NRG4: variants seen among roughly 807,000 people sequenced by gnomAD.
NRG4 encodes the protein neuregulin 4.
NRG4 carries 10 observed loss-of-function variants against 15.0 expected under a neutral mutation model. That is an observed-to-expected ratio of 0.67 (90% CI 0.41 to 1.13). The LOEUF is 1.13. NRG4 is among the 50% of genes most tolerant of loss of function. The pLI, the probability that NRG4 is intolerant of heterozygous loss-of-function variation, is 0.00. For synonymous variants in NRG4, 41 were observed against 50.1 expected (o/e 0.82, Z 0.77); for missense variants, 139 against 140.2 (o/e 0.99, Z 0.04).
chr15:75,963,269 TA>T (rs1189652478), intron 3 of NRG4, among the ~76,000 whole-genome samples: 1 of 152,134 alleles, frequency 6.6e-6, no homozygotes, highest in African/African-American at 2.4e-5. Context: ...TAGATTCTCC[TA>T]AACTACCATA....
intron 3 of NRG4, among the ~76,000 whole-genome samples, chr15:75,984,494 G>A (rs1398302806): frequency 1.3e-5 from 2 of 152,104 alleles, no homozygotes; most frequent in Non-Finnish European, 2.9e-5. Flanking sequence ...GCAGGGACAT[G>A]GATGAAGCTG....
At chr15:76,035,694 C>A (rs1029305683) in intron 5 of NRG4, among the ~76,000 whole-genome samples, 1 of 152,176 alleles carries the variant, frequency 6.6e-6, no homozygotes, top group Non-Finnish European at 1.5e-5. Context: ...TTTAGCAACT[C>A]TGCTTTTCAT....
intron 3 of NRG4, among the ~76,000 whole-genome samples, chr15:75,967,697 A>G (rs1451823028): frequency 6.6e-6 from 1 of 151,964 alleles, no homozygotes; most frequent in Non-Finnish European, 1.5e-5. Flanking sequence ...CCTGACCTCA[A>G]GTGATCTGCC....
intron 3 of NRG4, among the ~76,000 whole-genome samples, chr15:75,974,358 TA>T (rs1163959851): frequency 6.6e-6 from 1 of 152,228 alleles, no homozygotes; most frequent in East Asian, 1.9e-4. Context: ...TTCGTGTCTC[TA>T]TCTCTTTCTG....
intron 4 of NRG4, among the ~76,000 whole-genome samples, chr15:75,959,828 G>A (rs950008808): frequency 6.6e-6 from 1 of 152,128 alleles, no homozygotes; most frequent in Non-Finnish European, 1.5e-5. Context: ...GCTGGCTAGT[G>A]AGTTATGTCA....
At chr15:75,955,822 T>C in intron 5 of NRG4, 110 bp downstream of exon 5, 1 of 550,752 alleles carries the variant, frequency 1.8e-6, no homozygotes, top group Non-Finnish European at 3.1e-6. Flanking sequence ...CATAGAAAAG[T>C]TTAGGCTCAA....
chr15:75,965,276 T>C (rs779859235), intron 3 of NRG4, among the ~76,000 whole-genome samples: 1 of 152,124 alleles, frequency 6.6e-6, no homozygotes, highest in Non-Finnish European at 1.5e-5. Context: ...CCATAAATGT[T>C]TTAACTGGAC....
chr15:76,005,920 C>A, intron 3 of NRG4: 1 of 250,564 alleles, frequency 4.0e-6, no homozygotes, highest in Non-Finnish European at 8.2e-6. Flanking sequence ...GAAATGGCCA[C>A]AAAGGTAGTT....
intron 5 of NRG4, among the ~76,000 whole-genome samples, chr15:76,019,146 C>A (rs1177498771): frequency 6.6e-6 from 1 of 152,094 alleles, no homozygotes; most frequent in African/African-American, 2.4e-5. Flanking sequence ...GGAAAAACAC[C>A]TACTCAAGCC....
intron 5 of NRG4, among the ~76,000 whole-genome samples, chr15:76,024,625 C>G (rs1186734771): frequency 4.6e-5 from 7 of 152,176 alleles, no homozygotes. Flanking sequence ...ACTCCAAGGC[C>G]CCAACCCCAG....
At position 76,029,717 on chromosome 15, in the gene NRG4, C is replaced by T. The variant is rs145226882; in HGVS notation, c.-57+6227G>A. On this transcript the variant is annotated intron_variant, in intron 5 of 8. Coordinates refer to the NRG4 transcript ENST00000563910. Reference sequence around the variant, plus strand: ...TAAAATACCTAGGAATAAATTTAACCAAAGAAGTAAAGGATCCCTACAATG... The same window carrying T: ...TAAAATACCTAGGAATAAATTTAACTAAAGAAGTAAAGGATCCCTACAATG... Among the ~76,000 whole-genome samples the T allele has an allele frequency of 1.0e-3, 156 of 152,076 alleles. 1 individual carries two copies. The highest frequency in any genetic ancestry group is 3.6e-3 in the African/African-American group (151 of 41,490).
chr15:76,052,433 A>T lies in NRG4; in HGVS notation c.-215-256T>A, dbSNP rs1319984598. On this transcript the variant is annotated intron_variant, in intron 3 of 8. Coordinates refer to the NRG4 transcript ENST00000563910. ...ATAAAAGGCTAGGAGTTGGGTTAAG[A>T]GGGAAATAGAATTTTATTAAAAGAT... 6.6e-5 allele frequency among the ~76,000 whole-genome samples: 10 copies of T among 151,174 alleles called. 1 individual carries two copies. The highest frequency in any genetic ancestry group is 2.5e-4 in the African/African-American group (10 of 40,602).
chr15:75,967,396 C>A (rs7168988), intron 3 of NRG4, among the ~76,000 whole-genome samples: 9,375 of 150,274 alleles, frequency 0.062, 604 homozygotes, highest in African/African-American at 0.17. Context: ...AAAAACTGAT[C>A]ATTATTAGTA....
At chr15:76,018,033 C>A (rs1202276701) in intron 5 of NRG4, among the ~76,000 whole-genome samples, 1 of 152,060 alleles carries the variant, frequency 6.6e-6, no homozygotes, top group African/African-American at 2.4e-5. Context: ...TCTTTTCAAT[C>A]TTTTTTCTCT....
chr15:76,057,470 T>G (rs1272789148), intron 1 of NRG4, among the ~76,000 whole-genome samples: 1 of 152,132 alleles, frequency 6.6e-6, no homozygotes, highest in Non-Finnish European at 1.5e-5. Flanking sequence ...CTAATCCTCC[T>G]CCGGTGTTAG....
chr15:75,954,431 C>CTT (rs35801035), intron 5 of NRG4, among the ~76,000 whole-genome samples: 16 of 131,584 alleles, frequency 1.2e-4, no homozygotes, highest in Admixed American at 3.0e-4. Flanking sequence ...ATTTCAATTT[C>CTT]TTTTTTTTTT....
chr15:75,968,950 T>A (rs1192151597), intron 3 of NRG4, among the ~76,000 whole-genome samples: 1 of 152,184 alleles, frequency 6.6e-6, no homozygotes, highest in Non-Finnish European at 1.5e-5. Flanking sequence ...TTAAATATTA[T>A]AAATAATATG....
At chr15:75,959,135 C>A in intron 4 of NRG4, 1 of 419,090 alleles carries the variant, frequency 2.4e-6, no homozygotes, top group Non-Finnish European at 4.8e-6. Flanking sequence ...GCATGTGTTA[C>A]CACACCTGGA....
At position 76,025,665 on chromosome 15, in the gene NRG4, C is replaced by A. The variant is rs141319754; in HGVS notation, c.-57+10279G>T. 7.4e-3 allele frequency among the ~76,000 whole-genome samples: 1,127 copies of A among 152,140 alleles called. 8 individuals carry two copies. The highest frequency in any genetic ancestry group is 0.027 in the Admixed American group (412 of 15,280). On this transcript the variant is annotated intron_variant, in intron 5 of 8. Transcript: ENST00000563910. ...CCAAGACTGGTAGATCACTTGAGGT[C>A]AAAAGTTCAAGACCAGCCTGGCCAA... is the stretch of plus-strand genomic sequence containing the variant.
Sources: gnomAD v4.1 joint callset for allele counts (sites outside exome capture counted in the v4.1 genomes callset) on GRCh38, gnomAD v4.1.1 for gene constraint, MANE v1.5 for transcripts, NCBI Gene and HGNC (gene_info 2026-07-23, HGNC 2026-07-21) for gene names.